Variants in JADE2 observed in about 807,000 individuals in gnomAD.
The protein encoded by JADE2 is jade family PHD finger 2, also known as E3 ubiquitin-protein ligase Jade-2.
In JADE2, 13 loss-of-function variants were observed where a neutral mutation model predicts 85.7. That is an observed-to-expected ratio of 0.15 (90% CI 0.10 to 0.24). The LOEUF (loss-of-function observed/expected upper bound fraction) is 0.24. Ranked by LOEUF, JADE2 falls within the 10% of genes least tolerant of loss-of-function variation. JADE2 has a pLI of 1.00. For synonymous variants in JADE2, 440 were observed against 456.1 expected (o/e 0.96, Z 0.45); for missense variants, 846 against 1,115.9 (o/e 0.76, Z 3.45).
chr5:134,554,881 G>A (rs376280355), intron 4 of JADE2, among the ~76,000 whole-genome samples: 13 of 152,330 alleles, frequency 8.5e-5, no homozygotes, highest in African/African-American at 3.1e-4. Context: ...GCTATGCTGA[G>A]CCTGTGTTCA....
chr5:134,533,615 C>G (rs1179224980), intron 1 of JADE2: 2 of 979,458 alleles, frequency 2.0e-6, no homozygotes, highest in East Asian at 1.1e-4. Flanking sequence ...AGCACCTCCC[C>G]CCCACTCCAC....
intron 4 of JADE2, among the ~76,000 whole-genome samples, chr5:134,558,378 T>C (rs571890891): frequency 0.02 from 2,854 of 144,628 alleles, 42 homozygotes; most frequent in Non-Finnish European, 0.033. Context: ...AGAAGCTCTT[T>C]AGTTTAATTA....
At chr5:134,570,717 C>T (rs1008364650) in intron 9 of JADE2, among the ~76,000 whole-genome samples, 34 of 152,176 alleles carry the variant, frequency 2.2e-4, no homozygotes, top group Admixed American at 2.0e-3. Flanking sequence ...CCAGGTCCCC[C>T]CTGAGGTCCT....
intron 2 of JADE2, among the ~76,000 whole-genome samples, 190 bp from the exon 3 acceptor site, chr5:134,537,799 G>A (rs752542163): frequency 2.6e-5 from 4 of 152,162 alleles, no homozygotes; most frequent in Non-Finnish European, 5.9e-5. Flanking sequence ...TTGGCGAGTA[G>A]AGGAGGCTTC....
intron 11 of JADE2, among the ~76,000 whole-genome samples, chr5:134,577,752 G>A (rs1764465754): frequency 6.6e-6 from 1 of 152,174 alleles, no homozygotes; most frequent in African/African-American, 2.4e-5. Flanking sequence ...AGGAAACCCA[G>A]TCTCCCGTCT....
chr5:134,533,618 C>T (rs1346114190), intron 1 of JADE2: 8 of 976,114 alleles, frequency 8.2e-6, no homozygotes, highest in Non-Finnish European at 9.7e-6. Context: ...ACCTCCCCCC[C>T]ACTCCACCCA....
In JADE2 at chr5:134,525,849, G is replaced by C; in HGVS notation, c.-163G>C. 1 of 990,894 alleles carries C rather than the reference G, an allele frequency of 1.0e-6. No individual in the cohort carries two copies. Among genetic ancestry groups the C allele is most frequent in the Non-Finnish European group, 1.2e-6 (1 of 832,756 alleles). 61.4% of individuals were successfully genotyped at this position (990,894 alleles called of 1,614,324 possible). On this transcript the variant is annotated 5_prime_UTR_variant, in exon 1 of 12. Coordinates refer to ENST00000681547, the MANE Select transcript of JADE2 (RefSeq NM_001388185.1). ...GGGGCGTGGGGCCTGGGACGCCGCGGGCCCGGCCGCCTCCCTCGCCGCGAC... is the reference window on the plus strand; with the variant it reads ...GGGGCGTGGGGCCTGGGACGCCGCGCGCCCGGCCGCCTCCCTCGCCGCGAC...
intron 4 of JADE2, among the ~76,000 whole-genome samples, chr5:134,555,728 AG>A (rs1409543447): frequency 2.0e-5 from 3 of 152,228 alleles, no homozygotes; most frequent in African/African-American, 7.2e-5. Context: ...ACCAAATTAC[AG>A]GCTGCATTTT....
chr5:134,573,066 C>CT (rs929803213), intron 9 of JADE2, among the ~76,000 whole-genome samples: 1 of 152,244 alleles, frequency 6.6e-6, no homozygotes, highest in Non-Finnish European at 1.5e-5. Context: ...TGGGTTAGGA[C>CT]TTTCTGCTCA....
At chr5:134,530,003 C>T (rs1761131639) in intron 1 of JADE2, among the ~76,000 whole-genome samples, 1 of 152,330 alleles carries the variant, frequency 6.6e-6, no homozygotes, top group South Asian at 2.1e-4. Context: ...GGTTCAGGCT[C>T]CTCTAGACTT....
chr5:134,553,129 A>G (rs544309267), intron 4 of JADE2, among the ~76,000 whole-genome samples: 1 of 149,808 alleles, frequency 6.7e-6, no homozygotes, highest in Admixed American at 6.7e-5. Flanking sequence ...GCCACCACAC[A>G]TGGCTAATTT....
At chr5:134,571,025 G>A (rs1008524394) in intron 9 of JADE2, among the ~76,000 whole-genome samples, 7 of 152,260 alleles carry the variant, frequency 4.6e-5, no homozygotes, top group Non-Finnish European at 7.3e-5. Context: ...GGAAGCCCAA[G>A]GTTGAGGTGT....
At chr5:134,545,278 T>A (rs185707953) in intron 3 of JADE2, among the ~76,000 whole-genome samples, 1 of 152,230 alleles carries the variant, frequency 6.6e-6, no homozygotes. Flanking sequence ...GAAACGTTGC[T>A]GCTCCGCCAG....
At chr5:134,561,359 C>T (rs1763308420) in intron 6 of JADE2, among the ~76,000 whole-genome samples, 1 of 152,186 alleles carries the variant, frequency 6.6e-6, no homozygotes, top group Non-Finnish European at 1.5e-5. Flanking sequence ...GTTTTGTAAC[C>T]TCTCTGGGCC....
chr5:134,562,411 G>A lies in JADE2; in HGVS notation c.852+44G>A. The A allele has an allele frequency of 6.4e-7, 1 of 1,562,132 alleles. No individual in the cohort carries two copies. Among genetic ancestry groups the A allele is most frequent in the South Asian group, 1.2e-5 (1 of 85,620 alleles). ...GAGGCAGCCCAAGGAATAGCCCGTG[G>A]GGAAGTGGGTCTGCATGGGACTCAG... On this transcript the variant is annotated intron_variant, in intron 7 of 11. Transcript: ENST00000681547. The surrounding 1 kb of genome is among the most constrained non-coding windows in gnomAD (Gnocchi z 4.6).
intron 10 of JADE2, chr5:134,575,314 A>G (rs1186149806): frequency 6.6e-6 from 1 of 152,308 alleles, no homozygotes; most frequent in East Asian, 1.9e-4. Flanking sequence ...CGGCTGGACA[A>G]AGCCTCCTAG....
chr5:134,557,085 A>AACAC (rs57933495), intron 4 of JADE2, among the ~76,000 whole-genome samples: 1 of 147,932 alleles, frequency 6.8e-6, no homozygotes, highest in Non-Finnish European at 1.5e-5. Flanking sequence ...ACACCACACA[A>AACAC]ACACACACAC....
intron 4 of JADE2, among the ~76,000 whole-genome samples, chr5:134,557,514 A>G (rs1291610716): frequency 3.5e-5 from 4 of 113,932 alleles, no homozygotes; most frequent in South Asian, 3.3e-4. Flanking sequence ...ATATCTCCCA[A>G]TGCTATCCCT....
rs982459520 is a variant in JADE2 at position 134,580,415 on chromosome 5, C to T, written c.*1098C>T. ...CCCCTGTTCCTGAGCCTTAACCCCT[C>T]GCACAGCCATCCCCCCCCCCGTCCT... On this transcript the variant is annotated 3_prime_UTR_variant, in exon 12 of 12. Coordinates refer to ENST00000681547, the MANE Select transcript of JADE2 (RefSeq NM_001388185.1). The T allele has an allele frequency of 1.7e-5, 2 of 117,738 alleles. No individual in the cohort carries two copies. Among genetic ancestry groups the T allele is most frequent in the South Asian group, 4.1e-4 (1 of 2,460 alleles). The allele number at this position is 117,738 out of a possible 1,614,324, so 7.3% of individuals were successfully genotyped here.
Sources: gnomAD v4.1 joint callset for allele counts (sites outside exome capture counted in the v4.1 genomes callset) on GRCh38, gnomAD v4.1.1 for gene constraint, Gnocchi (gnomAD v3.1) non-coding constraint, MANE v1.5 for transcripts, NCBI Gene and HGNC (gene_info 2026-07-23, HGNC 2026-07-21) for gene names.